Variants in LGSN observed in about 807,000 individuals in gnomAD.
LGSN encodes the protein lengsin.
LGSN carries 21 observed loss-of-function variants against 19.5 expected under a neutral mutation model. The observed-to-expected ratio is 1.07, with a 90% CI of 0.76 to 1.55. LGSN has a LOEUF of 1.55. LGSN is among the 40% of genes most tolerant of loss of function. The pLI is 0.00. For synonymous variants in LGSN, 257 were observed against 215.6 expected, an observed-to-expected ratio of 1.19 and a Z score of -1.68; for missense variants, 673 against 608.5, an observed-to-expected ratio of 1.11 and a Z score of -1.12.
At chr6:63,425,949 G>A in the LGSN span, among the ~76,000 whole-genome samples, 155 of 152,128 alleles carry the variant, frequency 1.0e-3, 2 homozygotes, top group African/African-American at 3.5e-3. Context: ...TACCATTGGA[G>A]GAAACTCGGT....
the LGSN span, among the ~76,000 whole-genome samples, chr6:63,534,205 T>C: frequency 2.6e-5 from 4 of 152,078 alleles, no homozygotes; most frequent in Non-Finnish European, 4.4e-5. Flanking sequence ...CATCAGAATG[T>C]ATGGCAATTA....
At chr6:63,428,050 C>G in the LGSN span, among the ~76,000 whole-genome samples, 189 of 152,208 alleles carry the variant, frequency 1.2e-3, 3 homozygotes, top group African/African-American at 4.4e-3. Context: ...AGTAAATTGT[C>G]ATTAAAAATA....
chr6:63,384,870 T>C, the LGSN span, among the ~76,000 whole-genome samples: 1 of 152,246 alleles, frequency 6.6e-6, no homozygotes, highest in South Asian at 2.1e-4. Flanking sequence ...TTATGGGAAG[T>C]CCCTAATCCA....
chr6:63,386,113 G>T, the LGSN span, among the ~76,000 whole-genome samples: 2 of 152,178 alleles, frequency 1.3e-5, no homozygotes, highest in African/African-American at 4.8e-5. Flanking sequence ...TAAATTGCCA[G>T]AGATTTAAGG....
At chr6:63,282,677 A>G (rs1767367092) in intron 3 of LGSN, among the ~76,000 whole-genome samples, 1 of 152,178 alleles carries the variant, frequency 6.6e-6, no homozygotes, top group Non-Finnish European at 1.5e-5. Context: ...TTTGAATGCT[A>G]TTTGACTGAA....
At chr6:63,501,384 G>A in the LGSN span, among the ~76,000 whole-genome samples, 5 of 150,314 alleles carry the variant, frequency 3.3e-5, no homozygotes, top group African/African-American at 1.2e-4. Context: ...AAAAATTAGA[G>A]GAGAAGCCAT....
the LGSN span, among the ~76,000 whole-genome samples, chr6:63,412,727 G>GAAAGAAAGAA: frequency 3.1e-5 from 1 of 32,652 alleles, no homozygotes; most frequent in Admixed American, 4.1e-4. Flanking sequence ...AGGAAAGAAA[G>GAAAGAAAGAA]AAAGAAAGAA....
At chr6:63,484,581 A>G in the LGSN span, among the ~76,000 whole-genome samples, 2 of 151,410 alleles carry the variant, frequency 1.3e-5, no homozygotes, top group African/African-American at 4.9e-5. Flanking sequence ...AATTGACAGC[A>G]TTTAAGTAAA....
the LGSN span, chr6:63,549,430 ACTTT>A: frequency 1.3e-6 from 1 of 753,630 alleles, no homozygotes. Flanking sequence ...GGGATTCACC[ACTTT>A]CTTAACCTCC....
At chr6:63,307,912 G>T (rs544616329) in intron 1 of LGSN, among the ~76,000 whole-genome samples, 31 of 152,274 alleles carry the variant, frequency 2.0e-4, no homozygotes, top group African/African-American at 7.5e-4. Flanking sequence ...GCAGTCCGAG[G>T]ATTCTTAGAG....
chr6:63,325,468 A>T, the LGSN span, among the ~76,000 whole-genome samples: 4 of 152,244 alleles, frequency 2.6e-5, no homozygotes, highest in Admixed American at 2.6e-4. Flanking sequence ...ACAATTATAC[A>T]CTAACAAACT....
chr6:63,550,931 AT>A, the LGSN span, among the ~76,000 whole-genome samples: 2 of 151,880 alleles, frequency 1.3e-5, no homozygotes, highest in Non-Finnish European at 2.9e-5. Flanking sequence ...CAGCCCCATA[AT>A]TTTTTTCAAA....
At chr6:63,546,102 G>T in the LGSN span, among the ~76,000 whole-genome samples, 1 of 151,996 alleles carries the variant, frequency 6.6e-6, no homozygotes, top group South Asian at 2.1e-4. Context: ...ATTCACAATA[G>T]CCAACAAATA....
chr6:63,495,856 A>G, the LGSN span, among the ~76,000 whole-genome samples: 1 of 152,144 alleles, frequency 6.6e-6, no homozygotes, highest in Non-Finnish European at 1.5e-5. Context: ...TATAGCAATA[A>G]AGGATGACAT....
the LGSN span, among the ~76,000 whole-genome samples, chr6:63,325,193 C>T: frequency 7.1e-6 from 1 of 141,346 alleles, no homozygotes; most frequent in Admixed American, 7.0e-5. Flanking sequence ...ACAAAACAAA[C>T]AAACAAAAAG....
the LGSN span, among the ~76,000 whole-genome samples, chr6:63,554,063 G>A: frequency 6.6e-6 from 1 of 152,254 alleles, no homozygotes; most frequent in East Asian, 1.9e-4. Context: ...GAGTAATTCA[G>A]TGCTGTAATT....
chr6:63,403,101 C>CAGAGAGAGAGAG, the LGSN span, among the ~76,000 whole-genome samples: 53 of 148,860 alleles, frequency 3.6e-4, no homozygotes, highest in African/African-American at 1.3e-3. Flanking sequence ...GAGAGAGAGA[C>CAGAGAGAGAGAG]AGAGAGAGAG....
intron 1 of LGSN, among the ~76,000 whole-genome samples, chr6:63,315,201 T>G (rs1267751228): frequency 6.6e-6 from 1 of 152,194 alleles, no homozygotes; most frequent in Non-Finnish European, 1.5e-5. Context: ...AACCAAGACC[T>G]ACCATGTTGA....
At chr6:63,564,295 G>T in the LGSN span, among the ~76,000 whole-genome samples, 2 of 151,024 alleles carry the variant, frequency 1.3e-5, no homozygotes, top group Admixed American at 1.3e-4. Flanking sequence ...AAAAAAGAGA[G>T]AAATTTCAAA....
Sources: gnomAD v4.1 joint callset for allele counts (sites outside exome capture counted in the v4.1 genomes callset) on GRCh38, gnomAD v4.1.1 for gene constraint, MANE v1.5 for transcripts, NCBI Gene and HGNC (gene_info 2026-07-23, HGNC 2026-07-21) for gene names.